DTD1: variants seen among roughly 807,000 people sequenced by gnomAD.
DTD1 encodes the protein D-aminoacyl-tRNA deacylase 1, also known as D-tyrosyl-tRNA deacylase 1 homolog.
Under a neutral mutation model 25.6 loss-of-function variants are expected in DTD1, and 13 were observed. That is an observed-to-expected ratio of 0.51 (90% CI 0.33 to 0.81). The LOEUF is 0.81. Among genes scored for constraint, DTD1 ranks in the 30% least tolerant of loss-of-function variants. DTD1 has a pLI of 0.02. For missense variants in DTD1, 193 were observed against 266.4 expected (o/e 0.72, Z 1.92); for synonymous variants, 110 against 103.6 (o/e 1.06, Z -0.37).
intron 5 of DTD1, among the ~76,000 whole-genome samples, chr20:18,758,893 G>A (rs2061349908): frequency 6.6e-6 from 1 of 151,992 alleles, no homozygotes; most frequent in Admixed American, 6.6e-5. Flanking sequence ...CATTATTATT[G>A]TGTGGCTTTA....
At chr20:18,722,957 A>T (rs1160818623) in intron 4 of DTD1, among the ~76,000 whole-genome samples, 2 of 152,252 alleles carry the variant, frequency 1.3e-5, no homozygotes, top group African/African-American at 4.8e-5. Context: ...AAGACAAAAA[A>T]AGTCAAAACA....
At chr20:18,690,834 T>G (rs1239927610) in intron 4 of DTD1, among the ~76,000 whole-genome samples, 1 of 152,210 alleles carries the variant, frequency 6.6e-6, no homozygotes, top group Non-Finnish European at 1.5e-5. Context: ...GGGCTCTTTT[T>G]TGGTTTCCTA....
In DTD1 at chr20:18,765,387, G is replaced by A. The variant is rs904764542; in HGVS notation, c.*2047G>A. 1.3e-5 allele frequency: 2 copies of A among 152,244 alleles called. No homozygotes were observed. Among genetic ancestry groups the A allele is most frequent in the African/African-American group, 4.8e-5 (2 of 41,466 alleles). 9.4% of individuals were successfully genotyped at this position (152,244 alleles called of 1,614,324 possible). ...GAGCAGAAATTCTGAGCCTATATGT[G>A]TGAGGGGGGATCTTTGATTAATTAA... On this transcript the variant is annotated 3_prime_UTR_variant, in exon 6 of 6. Transcript: ENST00000377452.
intron 1 of DTD1, among the ~76,000 whole-genome samples, chr20:18,591,126 A>C (rs2060587617): frequency 6.6e-6 from 1 of 152,130 alleles, no homozygotes; most frequent in Non-Finnish European, 1.5e-5. Context: ...TGATCCATTT[A>C]CTTATAATAA....
chr20:18,764,501 T>C lies in DTD1; in HGVS notation c.*1161T>C, dbSNP rs544441625. 1.1e-4 allele frequency: 16 copies of C among 152,354 alleles called. No homozygotes were observed. Among genetic ancestry groups the C allele is most frequent in the African/African-American group, 3.6e-4 (15 of 41,576 alleles). 9.4% of individuals were successfully genotyped at this position (152,354 alleles called of 1,614,324 possible). ...TAGAAGAGACATCCTTAATTGTGAT[T>C]TTTATAATGCTGAAACTCTGTCTTC... is the stretch of plus-strand genomic sequence containing the variant. On this transcript the variant is annotated 3_prime_UTR_variant, in exon 6 of 6. Transcript: ENST00000377452.
At chr20:18,745,390 G>A (rs1464962557) in intron 5 of DTD1, among the ~76,000 whole-genome samples, 1 of 152,222 alleles carries the variant, frequency 6.6e-6, no homozygotes, top group African/African-American at 2.4e-5. Flanking sequence ...AATACTGGGT[G>A]CAGATTTGAG....
At chr20:18,615,977 T>A (rs1344529844) in intron 3 of DTD1, among the ~76,000 whole-genome samples, 2 of 152,248 alleles carry the variant, frequency 1.3e-5, no homozygotes, top group East Asian at 3.8e-4. Flanking sequence ...CTACTCTGTT[T>A]ACTATTTAAA....
chr20:18,595,951 G>A, intron 2 of DTD1, 55 bp from the exon 3 acceptor site: 1 of 1,496,562 alleles, frequency 6.7e-7, no homozygotes, highest in Non-Finnish European at 9.3e-7. Flanking sequence ...GGTATGGAGT[G>A]TGTTGGGGGG....
chr20:18,704,868 G>A (rs532998534), intron 4 of DTD1, among the ~76,000 whole-genome samples: 4 of 152,250 alleles, frequency 2.6e-5, no homozygotes, highest in Middle Eastern at 3.4e-3. Flanking sequence ...AAGCATGTCC[G>A]GAAGCATACA....
At chr20:18,618,712 C>CAT (rs34162044) in intron 3 of DTD1, among the ~76,000 whole-genome samples, 26,084 of 138,186 alleles carry the variant, frequency 0.19, 3,561 homozygotes, top group East Asian at 0.24. Context: ...CACACACACA[C>CAT]ATATAATTTT....
chr20:18,701,904 T>C (rs1535241), intron 4 of DTD1, among the ~76,000 whole-genome samples: 127,857 of 152,234 alleles, frequency 0.84, 54,568 homozygotes, highest in Non-Finnish European at 0.93. Flanking sequence ...AGGAACAGAA[T>C]ACGTTCTTGG....
chr20:18,588,381 G>A (rs1476548635), intron 1 of DTD1, among the ~76,000 whole-genome samples: 8 of 152,162 alleles, frequency 5.3e-5, no homozygotes, highest in Admixed American at 4.6e-4. Flanking sequence ...CAGGACCAGC[G>A]CGCCTCATTC....
intron 1 of DTD1, chr20:18,592,439 G>A (rs915890549): frequency 2.0e-5 from 3 of 152,140 alleles, no homozygotes; most frequent in African/African-American, 4.8e-5. Flanking sequence ...CTGACCTGCT[G>A]TCATACCAAA....
At position 18,694,248 on chromosome 20, in the gene DTD1, C is replaced by T. The variant is rs73902835; in HGVS notation, c.478-49852C>T. Among the ~76,000 whole-genome samples, 1,327 of 152,238 alleles carry T rather than the reference C, an allele frequency of 8.7e-3. 19 individuals are homozygous for T. The highest frequency in any genetic ancestry group is 0.031 in the African/African-American group (1,269 of 41,538). ...ATTCTTACATCATAAATGTCAGTACCGCAGTGCTCACGGCTCCCTGGGGAT... is the reference window on the plus strand; with the variant it reads ...ATTCTTACATCATAAATGTCAGTACTGCAGTGCTCACGGCTCCCTGGGGAT... On this transcript the variant is annotated intron_variant, in intron 4 of 5. Transcript: ENST00000377452.
chr20:18,592,992 C>T (rs2060596279), intron 1 of DTD1, among the ~76,000 whole-genome samples: 1 of 152,124 alleles, frequency 6.6e-6, no homozygotes, highest in South Asian at 2.1e-4. Flanking sequence ...CATAATGATG[C>T]ATCTTGCTAC....
At chr20:18,692,610 T>C (rs2047948222) in intron 4 of DTD1, among the ~76,000 whole-genome samples, 1 of 152,198 alleles carries the variant, frequency 6.6e-6, no homozygotes, top group African/African-American at 2.4e-5. Flanking sequence ...CTCAAAGGGA[T>C]GCACTAAAGG....
chr20:18,738,382 A>ATGAGGGTGGCTTATAACG, intron 4 of DTD1, among the ~76,000 whole-genome samples: 1 of 152,178 alleles, frequency 6.6e-6, no homozygotes, highest in African/African-American at 2.4e-5. Context: ...ACAAACCTAC[A>ATGAGGGTGGCTTATAACG]TGAGGGTGGC....
chr20:18,672,190 C>G (rs138742791), intron 4 of DTD1, among the ~76,000 whole-genome samples: 1,751 of 152,234 alleles, frequency 0.012, 30 homozygotes, highest in Non-Finnish European at 0.015. Context: ...GCAGTGATTG[C>G]ACTACTGCAC....
chr20:18,627,425 T>C (rs2060764167), intron 3 of DTD1, among the ~76,000 whole-genome samples: 1 of 152,228 alleles, frequency 6.6e-6, no homozygotes, highest in South Asian at 2.1e-4. Flanking sequence ...AGTGCAAACA[T>C]GGCCTTCCAG....
Sources: gnomAD v4.1 joint callset for allele counts (sites outside exome capture counted in the v4.1 genomes callset) on GRCh38, gnomAD v4.1.1 for gene constraint, MANE v1.5 for transcripts, NCBI Gene and HGNC (gene_info 2026-07-23, HGNC 2026-07-21) for gene names.